Variants in FAM3D observed in about 807,000 individuals in gnomAD.
FAM3D encodes the protein protein FAM3D.
In FAM3D, 26 loss-of-function variants were observed where a neutral mutation model predicts 29.8. The ratio of observed to expected loss-of-function variants is 0.87; its 90% confidence interval spans 0.64 to 1.21. FAM3D has a LOEUF of 1.21. FAM3D is among the 50% of genes most tolerant of loss of function. FAM3D has a pLI of 0.00. For synonymous variants in FAM3D, 115 were observed against 102.3 expected, an observed-to-expected ratio of 1.12 and a Z score of -0.75; for missense variants, 253 against 290.9, an observed-to-expected ratio of 0.87 and a Z score of 0.95.
chr3:58,664,152 T>C (rs1457763481), intron 1 of FAM3D, among the ~76,000 whole-genome samples: 1 of 152,162 alleles, frequency 6.6e-6, no homozygotes, highest in African/African-American at 2.4e-5. Context: ...GCCTCAGTAG[T>C]TCACTGCAAA....
At chr3:58,658,498 T>A (rs2106939436) in intron 1 of FAM3D, among the ~76,000 whole-genome samples, 1 of 152,266 alleles carries the variant, frequency 6.6e-6, no homozygotes, top group East Asian at 1.9e-4. Flanking sequence ...TGCGAGTCCC[T>A]CTGTCTGAAT....
rs894206927 is a variant in FAM3D, at chr3:58,653,094, G to A, written c.121+580C>T. On this transcript the variant is annotated intron_variant, in intron 3 of 9. Transcript: ENST00000358781. ...CTTCAGGAAGCTCACATTCTAGGGT[G>A]TGGAGACTGGCAACAAACAATGAAA... Among the ~76,000 whole-genome samples, 6 of 152,288 alleles carry A rather than the reference G, an allele frequency of 3.9e-5. 1 individual carries two copies. In the South Asian group the frequency reaches 1.2e-3, roughly 32 times the overall value.
intron 4 of FAM3D, among the ~76,000 whole-genome samples, chr3:58,646,739 T>C (rs2066493341): frequency 2.0e-5 from 3 of 152,218 alleles, no homozygotes; most frequent in South Asian, 4.1e-4. Flanking sequence ...TAAGGAAGCT[T>C]GCACATGCCA....
At chr3:58,664,998 G>A (rs1263136880) in intron 1 of FAM3D, among the ~76,000 whole-genome samples, 2 of 152,190 alleles carry the variant, frequency 1.3e-5, no homozygotes, top group African/African-American at 4.8e-5. Flanking sequence ...TGATGACTTC[G>A]AGCATCCCCC....
In FAM3D at chr3:58,644,547, C is replaced by T. The variant is rs192339403; in HGVS notation, c.264-827G>A. Among the ~76,000 whole-genome samples, 51 of 152,322 alleles carry T rather than the reference C, an allele frequency of 3.3e-4. No homozygotes were observed. In the South Asian group the frequency reaches 4.1e-3, roughly 12 times the overall value. The stretch of plus-strand genomic sequence containing the variant: ...TAAAATCTTTTTCCTGGATAAATTA[C>T]CTAGTCTCGGGTATGTCTTTATCAG... On this transcript the variant is annotated intron_variant, in intron 5 of 9. Coordinates refer to ENST00000358781, the MANE Select transcript of FAM3D (RefSeq NM_138805.3).
chr3:58,646,937 G>A (rs1050474011), intron 4 of FAM3D, among the ~76,000 whole-genome samples: 3 of 152,174 alleles, frequency 2.0e-5, no homozygotes, highest in Non-Finnish European at 4.4e-5. Flanking sequence ...GGCCCTCCCT[G>A]GTCTATAGGG....
chr3:58,659,418 C>T (rs547803684), intron 1 of FAM3D, among the ~76,000 whole-genome samples: 3 of 152,356 alleles, frequency 2.0e-5, no homozygotes, highest in South Asian at 4.1e-4. Context: ...TAATCTCAAC[C>T]ATGACCTGTC....
intron 1 of FAM3D, 87 bp from the exon 2 acceptor site, chr3:58,655,688 G>T: frequency 1.8e-6 from 2 of 1,081,684 alleles, no homozygotes; most frequent in South Asian, 1.8e-5. Flanking sequence ...ACCTCTAACT[G>T]TGGAGATCAT....
At chr3:58,649,164 G>A in intron 4 of FAM3D, 151 bp downstream of exon 4, 2 of 953,828 alleles carry the variant, frequency 2.1e-6, no homozygotes, top group Admixed American at 2.8e-5. Flanking sequence ...GGCCATGGGA[G>A]GAGAGGACTG....
intron 5 of FAM3D, among the ~76,000 whole-genome samples, 177 bp downstream of exon 5, chr3:58,645,332 C>T (rs560468854): frequency 6.6e-6 from 1 of 152,286 alleles, no homozygotes; most frequent in East Asian, 1.9e-4. Context: ...AGGCAAGGTG[C>T]TGGTGGATGT....
At chr3:58,654,910 A>G (rs898657345) in intron 2 of FAM3D, among the ~76,000 whole-genome samples, 5 of 152,332 alleles carry the variant, frequency 3.3e-5, no homozygotes, top group Middle Eastern at 3.4e-3. Context: ...GCACCATGTG[A>G]GCAACTTTTG....
intron 1 of FAM3D, 21 bp from the exon 2 acceptor site, chr3:58,655,622 A>C: frequency 6.3e-7 from 1 of 1,599,098 alleles, no homozygotes; most frequent in South Asian, 1.1e-5. Context: ...AAGAAAATCC[A>C]GTCGGAAACT....
In FAM3D at chr3:58,636,250, C is replaced by T. The variant is rs1405364498; in HGVS notation, c.585+44G>A. ...GACTCCTTCCTACCACCACCCAGCT[C>T]CTCATGCATCCTTCATAGGGCCGGG... On this transcript the variant is annotated intron_variant, in intron 9 of 9. Transcript: ENST00000358781. The T allele has an allele frequency of 3.8e-6, 6 of 1,598,790 alleles. No homozygotes were observed. In the African/African-American group the frequency reaches 5.4e-5, roughly 14 times the overall value.
At chr3:58,652,376 ATTC>A (rs919136273) in intron 3 of FAM3D, among the ~76,000 whole-genome samples, 17 of 151,554 alleles carry the variant, frequency 1.1e-4, no homozygotes, top group Non-Finnish European at 2.2e-4. Context: ...CTGTCCATCC[ATTC>A]ATTCATTCAT....
At chr3:58,646,202 A>C (rs966144439) in intron 4 of FAM3D, among the ~76,000 whole-genome samples, 14 of 152,180 alleles carry the variant, frequency 9.2e-5, no homozygotes, top group African/African-American at 3.4e-4. Flanking sequence ...CTCATCATTC[A>C]TTCATTTATC....
intron 3 of FAM3D, 40 bp from the exon 4 acceptor site, chr3:58,649,378 C>T (rs530287133): frequency 4.4e-5 from 71 of 1,612,274 alleles, no homozygotes; most frequent in African/African-American, 1.3e-4. Context: ...AAAAGCACTT[C>T]GGACCCTCCT....
chr3:58,650,131 A>G (rs906872941), intron 3 of FAM3D, among the ~76,000 whole-genome samples: 1 of 152,130 alleles, frequency 6.6e-6, no homozygotes, highest in Non-Finnish European at 1.5e-5. Flanking sequence ...ATCTCCCACC[A>G]CGCCAGCAGT....
chr3:58,637,079 A>AGGGTTTGAAGGTATT, intron 8 of FAM3D, 62 bp downstream of exon 8: 2 of 1,399,472 alleles, frequency 1.4e-6, no homozygotes, highest in East Asian at 4.6e-5. Flanking sequence ...AAGGGTGTGC[A>AGGGTTTGAAGGTATT]GGGTTTGAAG....
rs2066088995 is a variant in FAM3D, at chr3:58,634,039, C to T, written c.*240G>A. ...CCGTCAGCAGTCCCTGACGAAAGCA[C>T]CCCATTCTCTCCACAGACAGCTGGT... On this transcript the variant is annotated 3_prime_UTR_variant, in exon 10 of 10. Coordinates refer to ENST00000358781, the MANE Select transcript of FAM3D (RefSeq NM_138805.3). The surrounding 1 kb of genome is among the most constrained non-coding windows in gnomAD (Gnocchi z 4.6). 1.0e-5 allele frequency: 5 copies of T among 483,562 alleles called. No individual in the cohort carries two copies. In the East Asian group the frequency reaches 1.8e-4, roughly 17 times the overall value. The allele number at this position is 483,562 out of a possible 1,614,324, so 30.0% of individuals were successfully genotyped here.
Sources: allele counts gnomAD v4.1 joint callset (sites outside exome capture counted in the v4.1 genomes callset), GRCh38; gene constraint gnomAD v4.1.1; non-coding constraint Gnocchi (gnomAD v3.1); transcripts MANE v1.5; gene names NCBI Gene and HGNC (gene_info 2026-07-23, HGNC 2026-07-21).